ANXA13: variants seen among roughly 807,000 people sequenced by gnomAD.
ANXA13 encodes annexin XIII.
Under a neutral mutation model 46.6 loss-of-function variants are expected in ANXA13, and 36 were observed. That is an observed-to-expected ratio of 0.77 (90% CI 0.59 to 1.02). The LOEUF is 1.02. Ranked by LOEUF, ANXA13 falls within the 50% of genes least tolerant of loss-of-function variation. The pLI, the probability that ANXA13 is intolerant of heterozygous loss-of-function variation, is 0.00. For missense variants in ANXA13, 417 were observed against 396.5 expected, an observed-to-expected ratio of 1.05 and a Z score of -0.44; for synonymous variants, 163 against 152.9, an observed-to-expected ratio of 1.07 and a Z score of -0.49.
At chr8:123,705,109 A>G (rs1813516409) in intron 2 of ANXA13, among the ~76,000 whole-genome samples, 1 of 152,194 alleles carries the variant, frequency 6.6e-6, no homozygotes, top group Non-Finnish European at 1.5e-5. Flanking sequence ...GAGAAAATCC[A>G]AAGTCACCTT....
intron 1 of ANXA13, among the ~76,000 whole-genome samples, chr8:123,717,986 G>A (rs1237590902): frequency 6.6e-6 from 1 of 152,230 alleles, no homozygotes; most frequent in Non-Finnish European, 1.5e-5. Context: ...ACCCAGGCTC[G>A]CTTGCGCCCA....
intron 1 of ANXA13, among the ~76,000 whole-genome samples, chr8:123,727,261 A>C (rs1586340634): frequency 6.6e-6 from 1 of 152,192 alleles, no homozygotes; most frequent in South Asian, 2.1e-4. Flanking sequence ...TTTGAGAAAA[A>C]CTGCTGCCTC....
At chr8:123,695,405 G>A in intron 6 of ANXA13, 97 bp downstream of exon 6, 2 of 906,118 alleles carry the variant, frequency 2.2e-6, no homozygotes, top group South Asian at 3.0e-5. Context: ...ATATAAGAAA[G>A]AAATGTTTAT....
At chr8:123,685,929 G>T (rs544813432) in intron 9 of ANXA13, among the ~76,000 whole-genome samples, 1 of 152,294 alleles carries the variant, frequency 6.6e-6, no homozygotes, top group African/African-American at 2.4e-5. Context: ...GCACCACAAA[G>T]TTTTCCTGAA....
In ANXA13 at chr8:123,688,920, G is replaced by A. The variant is rs775205345; in HGVS notation, c.669C>T (p.Ala223=). 3.7e-6 allele frequency: 6 copies of A among 1,613,828 alleles called. No individual in the cohort carries two copies. The highest frequency in any genetic ancestry group is 5.1e-6 in the Non-Finnish European group (6 of 1,179,886). ...QILIGKDIEE[A]IEEETSGDLQ... is the part of the protein sequence containing the mutation. Reference sequence around the variant, plus strand: ...AGTCGCCTGATGTTTCTTCTTCAATGGCTTCTTCTATGTCTTTGCCAATGA... The same window carrying A: ...AGTCGCCTGATGTTTCTTCTTCAATAGCTTCTTCTATGTCTTTGCCAATGA... The change falls in exon 9 of 11, where the codon GCC becomes GCT. Residue 223 remains alanine, a synonymous_variant. Transcript: ENST00000419625.
At chr8:123,681,619 C>CTTTTTTTTT (rs5894670) in intron 10 of ANXA13, among the ~76,000 whole-genome samples, 1 of 107,014 alleles carries the variant, frequency 9.3e-6, no homozygotes, top group Non-Finnish European at 1.9e-5. Flanking sequence ...TCTTGAATTT[C>CTTTTTTTTT]TTTTTTTTTT....
chr8:123,724,126 C>G (rs531112036), intron 1 of ANXA13, among the ~76,000 whole-genome samples: 49 of 152,256 alleles, frequency 3.2e-4, no homozygotes, highest in African/African-American at 1.0e-3. Context: ...AAAAGAGGAA[C>G]AGTAAATTTA....
chr8:123,734,931 A>G (rs147962891), intron 1 of ANXA13, among the ~76,000 whole-genome samples: 97 of 151,936 alleles, frequency 6.4e-4, no homozygotes, highest in African/African-American at 2.2e-3. Flanking sequence ...TAATAGAAAC[A>G]CCATGTGTGT....
chr8:123,682,664 T>C (rs999399923), intron 10 of ANXA13, among the ~76,000 whole-genome samples: 3 of 151,070 alleles, frequency 2.0e-5, no homozygotes, highest in Non-Finnish European at 1.5e-5. Flanking sequence ...CCCCAGCCTG[T>C]GTGTCCCCCT....
At position 123,684,689 on chromosome 8, in the gene ANXA13, G is replaced by A. The variant is rs144771852; in HGVS notation, c.752C>T (p.Ala251Val). The change falls in exon 10 of 11, where the codon GCT becomes GTT. Residue 251 changes from alanine to valine, a missense_variant. Ala to Val is a moderately conservative substitution (Grantham distance 64). Transcript: ENST00000419625. ...CTTCATCGACTTGTACAGACGTTCA[G>A]CAAAATAGTCCTCACAATCCTGGGC... is the stretch of plus-strand genomic sequence containing the variant. ...RCAQDCEDYF[A>V]ERLYKSMKGA... The A allele has an allele frequency of 2.6e-5, 42 of 1,614,028 alleles. No individual in the cohort carries two copies. Among genetic ancestry groups the A allele is most frequent in the Middle Eastern group, 3.3e-4 (2 of 6,062 alleles).
At chr8:123,688,970 T>A (rs755318427) in intron 8 of ANXA13, 24 bp from the exon 9 acceptor site, 4 of 1,612,148 alleles carry the variant, frequency 2.5e-6, no homozygotes, top group Non-Finnish European at 3.4e-6. Context: ...CAAAATCAAC[T>A]GTTATTCCAG....
At chr8:123,723,300 A>G (rs1813921265) in intron 1 of ANXA13, among the ~76,000 whole-genome samples, 1 of 152,252 alleles carries the variant, frequency 6.6e-6, no homozygotes. Context: ...TCCATTGGCA[A>G]CAGTGGAGAA....
intron 9 of ANXA13, among the ~76,000 whole-genome samples, chr8:123,687,546 A>G (rs1400105915): frequency 6.6e-6 from 1 of 152,162 alleles, no homozygotes; most frequent in East Asian, 1.9e-4. Flanking sequence ...AGGGATTTTT[A>G]GGCCTCCGGA....
At chr8:123,715,542 A>G (rs1333580104) in intron 1 of ANXA13, among the ~76,000 whole-genome samples, 1 of 152,210 alleles carries the variant, frequency 6.6e-6, no homozygotes, top group Non-Finnish European at 1.5e-5. Context: ...GATCTGTCCC[A>G]CTTGACAACT....
chr8:123,699,248 T>C (rs773794268), intron 3 of ANXA13, among the ~76,000 whole-genome samples: 3 of 152,214 alleles, frequency 2.0e-5, no homozygotes, highest in Non-Finnish European at 4.4e-5. Context: ...GGTGCAATCA[T>C]GGCTCACTGC....
chr8:123,712,657 G>T (rs1194695468), intron 2 of ANXA13, 21 bp downstream of exon 2: 25 of 1,611,664 alleles, frequency 1.6e-5, no homozygotes, highest in African/African-American at 2.7e-5. Flanking sequence ...AAGCAAATTA[G>T]CAACAAAATA....
chr8:123,687,453 C>T (rs993959011), intron 9 of ANXA13, among the ~76,000 whole-genome samples: 7 of 152,230 alleles, frequency 4.6e-5, no homozygotes, highest in Admixed American at 1.3e-4. Flanking sequence ...TTGCAACCTC[C>T]GGCATAAATG....
At chr8:123,735,154 G>T (rs1247469223) in intron 1 of ANXA13, among the ~76,000 whole-genome samples, 3 of 150,850 alleles carry the variant, frequency 2.0e-5, no homozygotes, top group African/African-American at 7.3e-5. Flanking sequence ...ATAGCCATTG[G>T]GACCATTTCA....
chr8:123,683,570 C>G (rs7459568), intron 10 of ANXA13, among the ~76,000 whole-genome samples: 100,543 of 144,442 alleles, frequency 0.7, 35,762 homozygotes, highest in African/African-American at 0.8. Context: ...ATATCCCGAA[C>G]TGTTAGCTGT....
Sources: gnomAD v4.1 joint callset for allele counts (sites outside exome capture counted in the v4.1 genomes callset) on GRCh38, gnomAD v4.1.1 for gene constraint, MANE v1.5 for transcripts, NCBI Gene and HGNC (gene_info 2026-07-23, HGNC 2026-07-21) for gene names.